The following EYS variants were observed in gnomAD, a reference collection of about 807,000 sequenced individuals.
EYS encodes the protein EGF-like photoreceptor maintenance factor.
A neutral mutation model predicts 282.1 loss-of-function variants in EYS; 250 were observed. The observed-to-expected ratio is 0.89, with a 90% CI of 0.80 to 0.98. The LOEUF is 0.98. Among genes scored for constraint, EYS ranks in the 50% least tolerant of loss-of-function variants. The probability of loss-of-function intolerance (pLI) is 0.00; values close to 1 mark genes in which losing one functional copy is unlikely to be tolerated. For synonymous variants in EYS, 1,355 were observed against 1,282.9 expected, an observed-to-expected ratio of 1.06 and a Z score of -1.20; for missense variants, 4,016 against 3,709.0, an observed-to-expected ratio of 1.08 and a Z score of -2.15.
intron 39 of EYS, among the ~76,000 whole-genome samples, chr6:63,780,068 G>A (rs147613020): frequency 0.013 from 1,946 of 152,230 alleles, 21 homozygotes; most frequent in Middle Eastern, 0.024. Flanking sequence ...CCCTACAAAG[G>A]ACATGAACTC....
chr6:65,071,881 C>G (rs140696595), intron 12 of EYS, among the ~76,000 whole-genome samples: 1 of 151,764 alleles, frequency 6.6e-6, no homozygotes, highest in Non-Finnish European at 1.5e-5. Context: ...CTTCACTCTA[C>G]TACATAGATT....
intron 5 of EYS, among the ~76,000 whole-genome samples, chr6:65,456,463 T>A (rs1198435897): frequency 2.0e-5 from 3 of 146,386 alleles, no homozygotes; most frequent in South Asian, 2.2e-4. Flanking sequence ...AAAAAAAAAA[T>A]TTACTCTTAA....
intron 30 of EYS, among the ~76,000 whole-genome samples, chr6:64,240,701 A>G (rs1766794481): frequency 6.6e-6 from 1 of 152,086 alleles, no homozygotes; most frequent in South Asian, 2.1e-4. Context: ...CTGCAAACAG[A>G]GACAATTTGG....
chr6:65,000,305 A>G (rs1299084941), intron 13 of EYS, among the ~76,000 whole-genome samples: 1 of 152,186 alleles, frequency 6.6e-6, no homozygotes, highest in African/African-American at 2.4e-5. Flanking sequence ...GTTTATAAAT[A>G]TTTCATACTA....
intron 28 of EYS, among the ~76,000 whole-genome samples, chr6:64,432,545 T>G (rs1230362313): frequency 6.6e-6 from 1 of 150,650 alleles, no homozygotes; most frequent in Non-Finnish European, 1.5e-5. Context: ...ATAATTATAA[T>G]GTAATATATA....
At chr6:65,152,962 C>A (rs1057278870) in intron 12 of EYS, among the ~76,000 whole-genome samples, 1 of 150,334 alleles carries the variant, frequency 6.7e-6, no homozygotes, top group Non-Finnish European at 1.5e-5. Context: ...AGAGCACAGA[C>A]GGCGACACTT....
chr6:64,196,581 C>T (rs1320970779), intron 31 of EYS, among the ~76,000 whole-genome samples: 2 of 152,066 alleles, frequency 1.3e-5, no homozygotes, highest in Non-Finnish European at 2.9e-5. Flanking sequence ...ATGATGAGTT[C>T]ATGTCCTTTA....
intron 14 of EYS, among the ~76,000 whole-genome samples, chr6:64,956,550 A>G (rs1769707001): frequency 6.6e-6 from 1 of 152,232 alleles, no homozygotes. Flanking sequence ...AATAACCACA[A>G]GCACAGGCAA....
intron 5 of EYS, among the ~76,000 whole-genome samples, chr6:65,450,017 CAG>C (rs1326694062): frequency 1.3e-5 from 2 of 152,040 alleles, no homozygotes; most frequent in East Asian, 1.9e-4. Flanking sequence ...GTGTGTAAAA[CAG>C]AAGATACTAG....
At chr6:65,636,196 G>T (rs1586656) in intron 2 of EYS, among the ~76,000 whole-genome samples, 122,161 of 152,196 alleles carry the variant, frequency 0.8, 49,208 homozygotes, top group East Asian at 0.85. Flanking sequence ...ATTTCTCTGC[G>T]CAAAATTTTT....
intron 41 of EYS, among the ~76,000 whole-genome samples, chr6:63,740,283 G>A (rs540352382): frequency 2.0e-4 from 31 of 152,238 alleles, no homozygotes; most frequent in African/African-American, 6.5e-4. Context: ...TAAGTCTCAC[G>A]AGATCTGATG....
At chr6:64,037,202 T>G (rs1770163900) in intron 33 of EYS, among the ~76,000 whole-genome samples, 1 of 152,218 alleles carries the variant, frequency 6.6e-6, no homozygotes, top group Non-Finnish European at 1.5e-5. Context: ...TGGAAGATTG[T>G]TCCAGAACAT....
intron 1 of EYS, among the ~76,000 whole-genome samples, chr6:65,693,435 C>T (rs1180393853): frequency 7.3e-6 from 1 of 137,912 alleles, no homozygotes. Flanking sequence ...AAGTCTTGGG[C>T]CATAGTTACA....
intron 22 of EYS, among the ~76,000 whole-genome samples, chr6:64,700,581 AATG>A (rs1186387940): frequency 9.9e-5 from 15 of 152,042 alleles, no homozygotes; most frequent in African/African-American, 3.1e-4. Flanking sequence ...TCTATATACA[AATG>A]ATGACAAAGA....
intron 35 of EYS, among the ~76,000 whole-genome samples, chr6:63,919,534 G>A (rs1383922466): frequency 1.3e-5 from 2 of 152,196 alleles, no homozygotes; most frequent in East Asian, 3.9e-4. Flanking sequence ...AGACAAGAGA[G>A]TTTGGAAAGC....
At chr6:65,616,501 C>T (rs540515634) in intron 2 of EYS, among the ~76,000 whole-genome samples, 1 of 152,118 alleles carries the variant, frequency 6.6e-6, no homozygotes, top group East Asian at 1.9e-4. Context: ...AGAAGTAAAT[C>T]TTTAGGCCGG....
chr6:64,422,184 C>T (rs1774257790), intron 28 of EYS, among the ~76,000 whole-genome samples: 1 of 151,328 alleles, frequency 6.6e-6, no homozygotes, highest in African/African-American at 2.4e-5. Flanking sequence ...GACAGATAGA[C>T]TTTTTTTTTC....
At chr6:65,201,825 G>T (rs1203685899) in intron 12 of EYS, among the ~76,000 whole-genome samples, 1 of 152,122 alleles carries the variant, frequency 6.6e-6, no homozygotes, top group African/African-American at 2.4e-5. Context: ...GTGTGTGTGT[G>T]TGTGTGGTTG....
chr6:64,357,237 T>C (rs1000518273), intron 29 of EYS, among the ~76,000 whole-genome samples: 59 of 151,662 alleles, frequency 3.9e-4, no homozygotes, highest in Non-Finnish European at 1.5e-4. Context: ...CAGAATTATA[T>C]AGACAATTGT....
Sources: allele counts gnomAD v4.1 joint callset (sites outside exome capture counted in the v4.1 genomes callset), GRCh38; gene constraint gnomAD v4.1.1; transcripts MANE v1.5; gene names NCBI Gene and HGNC (gene_info 2026-07-23, HGNC 2026-07-21).